COMMD10: variants seen among roughly 807,000 people sequenced by gnomAD.
COMMD10 encodes COMM domain containing 10.
A neutral mutation model predicts 28.9 loss-of-function variants in COMMD10; 33 were observed. The observed-to-expected ratio is 1.14, with a 90% CI of 0.87 to 1.53. COMMD10 has a LOEUF of 1.53. COMMD10 is among the 40% of genes most tolerant of loss of function. The probability of loss-of-function intolerance (pLI) is 0.00; values close to 1 mark genes in which losing one functional copy is unlikely to be tolerated. For missense variants in COMMD10, 310 were observed against 233.4 expected (o/e 1.33, Z -2.14); for synonymous variants, 110 against 81.7 (o/e 1.35, Z -1.87).
intron 5 of COMMD10, among the ~76,000 whole-genome samples, chr5:116,276,447 G>A (rs563156751): frequency 6.6e-6 from 1 of 151,566 alleles, no homozygotes; most frequent in Non-Finnish European, 1.5e-5. Flanking sequence ...ATTTTGCCAG[G>A]TTGGTCTCAA....
chr5:116,095,485 T>C (rs1580439896), intron 4 of COMMD10, among the ~76,000 whole-genome samples: 3 of 152,186 alleles, frequency 2.0e-5, no homozygotes, highest in South Asian at 2.1e-4. Flanking sequence ...AATTGAGGCA[T>C]AAGCCCATTG....
chr5:116,093,127 A>G (rs1193554437), intron 4 of COMMD10, among the ~76,000 whole-genome samples: 2 of 152,318 alleles, frequency 1.3e-5, no homozygotes, highest in South Asian at 2.1e-4. Context: ...TTTAGATTTT[A>G]CAGTAGTGCA....
intron 5 of COMMD10, among the ~76,000 whole-genome samples, chr5:116,170,871 A>AC (rs1275181394): frequency 2.0e-5 from 3 of 152,190 alleles, no homozygotes; most frequent in Non-Finnish European, 4.4e-5. Context: ...AAGACCTAAA[A>AC]CCATAAAAAC....
At chr5:116,142,807 A>G (rs1752234855) in intron 5 of COMMD10, among the ~76,000 whole-genome samples, 1 of 151,694 alleles carries the variant, frequency 6.6e-6, no homozygotes, top group Non-Finnish European at 1.5e-5. Context: ...GAATCTGATC[A>G]AATACTCAAG....
At position 116,211,286 on chromosome 5, in the gene COMMD10, C is replaced by A. The variant is rs549937682; in HGVS notation, c.510+77108C>A. Among the ~76,000 whole-genome samples, 9 of 152,198 alleles carry A rather than the reference C, an allele frequency of 5.9e-5. No individual in the cohort carries two copies. The South Asian group carries it at 6.2e-4, about 11-fold the overall frequency. Reference sequence around the variant, plus strand: ...GTGCAAACATCATAGAGTATACTTACACAAACCTAGATGGTATAGCCTACT... The same window carrying A: ...GTGCAAACATCATAGAGTATACTTAAACAAACCTAGATGGTATAGCCTACT... On this transcript the variant is annotated intron_variant, in intron 5 of 6. Coordinates refer to ENST00000274458, the MANE Select transcript of COMMD10 (RefSeq NM_016144.4).
At chr5:116,109,472 T>G (rs1750968480) in intron 4 of COMMD10, among the ~76,000 whole-genome samples, 1 of 152,144 alleles carries the variant, frequency 6.6e-6, no homozygotes, top group Non-Finnish European at 1.5e-5. Flanking sequence ...TGCGTGCCTG[T>G]AATCCCAGCT....
At chr5:116,226,554 T>G (rs1345468799) in intron 5 of COMMD10, among the ~76,000 whole-genome samples, 1 of 151,880 alleles carries the variant, frequency 6.6e-6, no homozygotes, top group African/African-American at 2.4e-5. Context: ...ATCTAGACAT[T>G]TGATTGGAAA....
chr5:116,158,880 C>G (rs1752828449), intron 5 of COMMD10, among the ~76,000 whole-genome samples: 2 of 149,966 alleles, frequency 1.3e-5, no homozygotes. Context: ...TGAGGTCAGA[C>G]TAATTTATTG....
chr5:116,211,757 A>G (rs1007520222), intron 5 of COMMD10, among the ~76,000 whole-genome samples: 31 of 152,150 alleles, frequency 2.0e-4, no homozygotes, highest in Admixed American at 1.9e-3. Context: ...TTGCAGCTAC[A>G]TTACACACTC....
intron 4 of COMMD10, among the ~76,000 whole-genome samples, chr5:116,109,483 A>C (rs1033641661): frequency 6.6e-6 from 1 of 152,120 alleles, no homozygotes; most frequent in Non-Finnish European, 1.5e-5. Context: ...AATCCCAGCT[A>C]CTTGGGAGGC....
At chr5:116,111,610 G>T (rs1751048346) in intron 4 of COMMD10, among the ~76,000 whole-genome samples, 1 of 151,976 alleles carries the variant, frequency 6.6e-6, no homozygotes, top group African/African-American at 2.4e-5. Context: ...TCTTGGTATT[G>T]GTTTTATTCT....
intron 5 of COMMD10, among the ~76,000 whole-genome samples, chr5:116,138,508 A>T (rs1752099935): frequency 6.6e-6 from 1 of 151,750 alleles, no homozygotes; most frequent in Admixed American, 6.6e-5. Flanking sequence ...TTTGCTATTA[A>T]TCTTAGTACA....
intron 5 of COMMD10, among the ~76,000 whole-genome samples, chr5:116,288,541 T>TC: frequency 6.6e-6 from 1 of 151,964 alleles, no homozygotes; most frequent in Non-Finnish European, 1.5e-5. Context: ...CTTATTTTTT[T>TC]CTCTCTTACT....
intron 5 of COMMD10, among the ~76,000 whole-genome samples, chr5:116,275,031 C>T (rs1022431056): frequency 4.0e-5 from 6 of 151,828 alleles, no homozygotes; most frequent in Admixed American, 2.0e-4. Context: ...ACTTGAAATT[C>T]CCAACCTCTA....
intron 2 of COMMD10, among the ~76,000 whole-genome samples, chr5:116,088,542 A>C (rs1750197304): frequency 6.6e-6 from 1 of 152,204 alleles, no homozygotes; most frequent in African/African-American, 2.4e-5. Flanking sequence ...AGAAATCCTT[A>C]ACATTGCGTA....
intron 5 of COMMD10, among the ~76,000 whole-genome samples, chr5:116,166,162 G>GATAACA (rs376216510): frequency 2.0e-5 from 3 of 151,938 alleles, no homozygotes. Context: ...GTCAAATGGC[G>GATAACA]ATAGTTGTTC....
intron 5 of COMMD10, among the ~76,000 whole-genome samples, chr5:116,231,730 A>G (rs542087997): frequency 1.8e-4 from 27 of 152,124 alleles, no homozygotes; most frequent in Admixed American, 5.2e-4. Context: ...TATAAAGTGT[A>G]TTGTTTATTT....
At chr5:116,181,252 G>A (rs566440171) in intron 5 of COMMD10, among the ~76,000 whole-genome samples, 4 of 151,890 alleles carry the variant, frequency 2.6e-5, no homozygotes, top group African/African-American at 9.7e-5. Flanking sequence ...GAGATCTCTG[G>A]AAGTAGTATG....
chr5:116,277,475 C>G (rs1221274283), intron 5 of COMMD10, among the ~76,000 whole-genome samples: 1 of 151,846 alleles, frequency 6.6e-6, no homozygotes, highest in Non-Finnish European at 1.5e-5. Context: ...CTTAAATTAA[C>G]CACATATCTT....
Sources: allele counts gnomAD v4.1 joint callset (sites outside exome capture counted in the v4.1 genomes callset), GRCh38; gene constraint gnomAD v4.1.1; transcripts MANE v1.5; gene names NCBI Gene and HGNC (gene_info 2026-07-23, HGNC 2026-07-21).